Variants in MLXIP observed in about 807,000 individuals in gnomAD.
The protein encoded by MLXIP is MLX interacting protein.
In MLXIP, 30 loss-of-function variants were observed where a neutral mutation model predicts 87.2. The observed-to-expected ratio is 0.34, with a 90% CI of 0.26 to 0.47. MLXIP has a LOEUF of 0.47. Ranked by LOEUF, MLXIP falls within the 20% of genes least tolerant of loss-of-function variation. The probability of loss-of-function intolerance (pLI) is 1.00; values close to 1 mark genes in which losing one functional copy is unlikely to be tolerated. For synonymous variants in MLXIP, 530 were observed against 514.0 expected, an observed-to-expected ratio of 1.03 and a Z score of -0.42; for missense variants, 1,002 against 1,240.1, an observed-to-expected ratio of 0.81 and a Z score of 2.88.
At chr12:122,101,341 C>CT (rs894872392) in intron 1 of MLXIP, among the ~76,000 whole-genome samples, 113 of 145,302 alleles carry the variant, frequency 7.8e-4, no homozygotes, top group Middle Eastern at 7.1e-3. Context: ...GCTTTTTTTT[C>CT]TTTTTTTTTT....
intron 1 of MLXIP, among the ~76,000 whole-genome samples, chr12:122,096,859 G>A (rs998328609): frequency 3.3e-5 from 5 of 152,232 alleles, no homozygotes; most frequent in African/African-American, 9.6e-5. Context: ...TGTGATTCCA[G>A]GTGTGAGTCC....
chr12:122,127,231 C>G (rs1242518636), intron 1 of MLXIP, 25 bp from the exon 2 acceptor site: 1 of 1,568,508 alleles, frequency 6.4e-7, no homozygotes, highest in Non-Finnish European at 8.8e-7. Flanking sequence ...ACCACTGAGT[C>G]TCCCCGCTTT....
chr12:122,088,133 C>A (rs1952194958), intron 1 of MLXIP, among the ~76,000 whole-genome samples: 2 of 152,174 alleles, frequency 1.3e-5, no homozygotes, highest in Non-Finnish European at 2.9e-5. Context: ...TCACAGCCGC[C>A]TACTTTGCCC....
Position 122,142,554 on chromosome 12 carries a change from G to A in MLXIP, c.*742G>A, listed in dbSNP as rs1953228998. The A allele has an allele frequency of 5.8e-6, 2 of 342,986 alleles. No individual in the cohort carries two copies. Among genetic ancestry groups the A allele is most frequent in the Admixed American group, 7.7e-5 (2 of 26,090 alleles). The allele number at this position is 342,986 out of a possible 1,614,324, so 21.2% of individuals were successfully genotyped here. A position where few individuals can be genotyped will look rare whatever the true frequency, so the allele number is the denominator to read the frequency against. ...CTTTTAGCTCCACCTGACATTGCAG[G>A]ATCCATGGGGACTCAGCCCAGGGCC... On this transcript the variant is annotated 3_prime_UTR_variant, in exon 17 of 17. Transcript: ENST00000319080.
At chr12:122,109,865 A>G (rs538612282) in intron 1 of MLXIP, among the ~76,000 whole-genome samples, 35 of 152,338 alleles carry the variant, frequency 2.3e-4, no homozygotes, top group African/African-American at 8.4e-4. Flanking sequence ...TTATGTGATG[A>G]GGGCAGTACA....
At chr12:122,116,937 T>A (rs547501798) in intron 1 of MLXIP, among the ~76,000 whole-genome samples, 18 of 152,218 alleles carry the variant, frequency 1.2e-4, no homozygotes, top group Non-Finnish European at 1.8e-4. Flanking sequence ...GTGGAAGGCC[T>A]GGACACAGCC....
At chr12:122,138,959 T>C in intron 15 of MLXIP, 21 bp downstream of exon 15, 12 of 1,613,578 alleles carry the variant, frequency 7.4e-6, no homozygotes, top group Non-Finnish European at 1.0e-5. Flanking sequence ...GTTTTCTTTT[T>C]GCTCTTCCCG....
chr12:122,127,382 G>C lies in MLXIP; in HGVS notation c.520+20G>C. On this transcript the variant is annotated intron_variant, in intron 2 of 16. Transcript: ENST00000319080. ...TGCAGTGTAAGTGCCGCCCAGCCTG[G>C]GCGCCGGTGGTGGTCAGAACTTCAC... 6.4e-7 allele frequency: 1 copy of C among 1,567,190 alleles called. No homozygotes were observed. The highest frequency in any genetic ancestry group is 1.8e-5 in the Admixed American group (1 of 54,696).
At chr12:122,088,899 C>G (rs1246277244) in intron 1 of MLXIP, among the ~76,000 whole-genome samples, 1 of 150,652 alleles carries the variant, frequency 6.6e-6, no homozygotes, top group Non-Finnish European at 1.5e-5. Flanking sequence ...AGGCTGGGTG[C>G]AGTGGCTCAT....
chr12:122,093,910 GTGTT>G (rs1311172300), intron 1 of MLXIP, among the ~76,000 whole-genome samples: 5 of 139,168 alleles, frequency 3.6e-5, no homozygotes, highest in African/African-American at 8.0e-5. Flanking sequence ...TGGTGTGTGT[GTGTT>G]TGCGGTGTCT....
chr12:122,103,813 G>T (rs1952477004), intron 1 of MLXIP, among the ~76,000 whole-genome samples: 1 of 149,964 alleles, frequency 6.7e-6, no homozygotes, highest in Non-Finnish European at 1.5e-5. Flanking sequence ...ACAGGTGTGA[G>T]CCACTGTGCC....
At position 122,133,407 on chromosome 12, in the gene MLXIP, GC is replaced by G; in HGVS notation, c.1157del (p.Pro386LeufsTer37). On this transcript the variant is annotated frameshift_variant, in exon 9 of 17. Transcript: ENST00000319080. LOFTEE classifies it high-confidence loss of function. This position sits in a 1 kb window ranked among gnomAD's most constrained non-coding sequence, Gnocchi z 4.9. ...TGAGCCTTCCTGACAGCCTCATCGC[GC>G]CCCCTACCGCCCCATCCCTGGCTCA... Reference protein sequence around the residue: ...TVSLPDSLIAPPTAPSLAHMD... With the variant: ...TVSLPDSLIAXPTAPSLAHMD... 4 of 1,602,902 alleles carry G rather than the reference GC, an allele frequency of 2.5e-6. No individual in the cohort carries two copies. The highest frequency in any genetic ancestry group is 3.4e-6 in the Non-Finnish European group (4 of 1,172,782).
At chr12:122,086,147 TC>T (rs1952165231) in intron 1 of MLXIP, among the ~76,000 whole-genome samples, 1 of 152,134 alleles carries the variant, frequency 6.6e-6, no homozygotes, top group African/African-American at 2.4e-5. Flanking sequence ...GGACGGGTTC[TC>T]CCCCAGAGCT....
rs561471859 is a variant in MLXIP, at chr12:122,101,030, C to G, written c.413+21764C>G. On this transcript the variant is annotated intron_variant, in intron 1 of 16. Coordinates refer to ENST00000319080, the MANE Select transcript of MLXIP (RefSeq NM_014938.6). Reference sequence around the variant, plus strand: ...GAAAGGGCAAAGATCCTCAACTCTTCAAAAAATTATAATATATTCTCATTT... The same window carrying G: ...GAAAGGGCAAAGATCCTCAACTCTTGAAAAAATTATAATATATTCTCATTT... Among the ~76,000 whole-genome samples, 4 of 152,152 alleles carry G rather than the reference C, an allele frequency of 2.6e-5. No individual in the cohort carries two copies. In the East Asian group the frequency reaches 7.7e-4, roughly 29 times the overall value.
chr12:122,093,752 TGG>T (rs1354784539), intron 1 of MLXIP, among the ~76,000 whole-genome samples: 2 of 130,338 alleles, frequency 1.5e-5, no homozygotes, highest in African/African-American at 5.9e-5. Context: ...GTGTGTGGTG[TGG>T]GTGTAGTGTG....
At chr12:122,097,855 C>CG (rs769252278) in intron 1 of MLXIP, among the ~76,000 whole-genome samples, 55 of 152,120 alleles carry the variant, frequency 3.6e-4, no homozygotes, top group Non-Finnish European at 5.6e-4. Flanking sequence ...TTCCCCCTCC[C>CG]CACAAGAAAC....
intron 1 of MLXIP, among the ~76,000 whole-genome samples, chr12:122,105,629 G>A (rs1400441770): frequency 1.1e-4 from 16 of 152,104 alleles, no homozygotes; most frequent in Middle Eastern, 3.4e-3. Flanking sequence ...GAGCCACCGC[G>A]CTCGGCTGAT....
At chr12:122,087,218 A>T (rs548071236) in intron 1 of MLXIP, among the ~76,000 whole-genome samples, 1 of 152,222 alleles carries the variant, frequency 6.6e-6, no homozygotes, top group Admixed American at 6.5e-5. Flanking sequence ...AATCAGGCAC[A>T]CCCTGTTGTG....
Position 122,137,791 on chromosome 12 carries a change from G to T in MLXIP, c.2154+201G>T, listed in dbSNP as rs1171283761. 8.2e-6 allele frequency: 3 copies of T among 367,586 alleles called. No homozygotes were observed. The highest frequency in any genetic ancestry group is 1.1e-5 in the Non-Finnish European group (3 of 265,262). 22.8% of individuals were successfully genotyped at this position (367,586 alleles called of 1,614,324 possible). A position where few individuals can be genotyped will look rare whatever the true frequency, so the allele number is the denominator to read the frequency against. Reference sequence around the variant, plus strand: ...GTGGGCCCCCTGGAGGCTTTTGGGTGAGCCCCAAGCCTGGGAGCCAACGCT... The same window carrying T: ...GTGGGCCCCCTGGAGGCTTTTGGGTTAGCCCCAAGCCTGGGAGCCAACGCT... On this transcript the variant is annotated intron_variant, in intron 12 of 16. Coordinates refer to ENST00000319080, the MANE Select transcript of MLXIP (RefSeq NM_014938.6). The surrounding 1 kb of genome is among the most constrained non-coding windows in gnomAD (Gnocchi z 4.1).
Sources: gnomAD v4.1 joint callset for allele counts (sites outside exome capture counted in the v4.1 genomes callset) on GRCh38, gnomAD v4.1.1 for gene constraint, Gnocchi (gnomAD v3.1) non-coding constraint, MANE v1.5 for transcripts, NCBI Gene and HGNC (gene_info 2026-07-23, HGNC 2026-07-21) for gene names.